PIK3CD: variants seen among roughly 807,000 people sequenced by gnomAD.
The protein encoded by PIK3CD is phosphatidylinositol-4,5-bisphosphate 3-kinase catalytic subunit delta.
In PIK3CD, 20 loss-of-function variants were observed where a neutral mutation model predicts 122.9. The observed-to-expected ratio is 0.16, with a 90% CI of 0.11 to 0.24. PIK3CD has a LOEUF of 0.24. PIK3CD is among the 10% of genes least tolerant of loss of function. The probability of loss-of-function intolerance (pLI) is 1.00; values close to 1 mark genes in which losing one functional copy is unlikely to be tolerated. For synonymous variants in PIK3CD, 596 were observed against 593.4 expected (o/e 1.00, Z -0.06); for missense variants, 787 against 1,406.3 (o/e 0.56, Z 7.04).
At chr1:9,681,627 C>G (rs1389436661) in intron 1 of PIK3CD, among the ~76,000 whole-genome samples, 4 of 152,150 alleles carry the variant, frequency 2.6e-5, no homozygotes, top group African/African-American at 7.2e-5. Flanking sequence ...GGCTTGAACT[C>G]CTGACCTCAG....
At position 9,722,719 on chromosome 1, in the gene PIK3CD, C is replaced by A; in HGVS notation, c.2426+113C>A. On this transcript the variant is annotated intron_variant, in intron 19 of 23. Coordinates refer to ENST00000377346, the MANE Select transcript of PIK3CD (RefSeq NM_005026.5). The surrounding 1 kb of genome is among the most constrained non-coding windows in gnomAD (Gnocchi z 7.6). ...ATGACCATCTCAGCCGGGGAAAGGG[C>A]TTTCCTAGGAAGACCCGGAGGCGGT... 2 of 936,810 alleles carry A rather than the reference C, an allele frequency of 2.1e-6. No individual in the cohort carries two copies. Among genetic ancestry groups the A allele is most frequent in the Non-Finnish European group, 1.7e-6 (1 of 584,194 alleles). The allele number at this position is 936,810 out of a possible 1,614,324, so 58.0% of individuals were successfully genotyped here. A position where few individuals can be genotyped will look rare whatever the true frequency, so the allele number is the denominator to read the frequency against.
intron 1 of PIK3CD, among the ~76,000 whole-genome samples, chr1:9,676,385 T>C (rs1249829862): frequency 6.6e-6 from 1 of 152,252 alleles, no homozygotes; most frequent in Non-Finnish European, 1.5e-5. Context: ...TTGAAGGTCC[T>C]TGTGTCTGAT....
chr1:9,643,958 G>T, the PIK3CD span, among the ~76,000 whole-genome samples: 1 of 152,200 alleles, frequency 6.6e-6, no homozygotes, highest in Middle Eastern at 3.2e-3. Flanking sequence ...GCCAGGATGG[G>T]GCATGGAGGC....
chr1:9,701,511 A>C (rs2100635419), intron 2 of PIK3CD, among the ~76,000 whole-genome samples: 1 of 152,190 alleles, frequency 6.6e-6, no homozygotes, highest in Admixed American at 6.6e-5. Flanking sequence ...GTCTCTACTA[A>C]AAATACAAAA....
At chr1:9,725,645 G>A (rs890504174) in intron 23 of PIK3CD, among the ~76,000 whole-genome samples, 1 of 152,078 alleles carries the variant, frequency 6.6e-6, no homozygotes, top group African/African-American at 2.4e-5. Flanking sequence ...TTGGGGGGCT[G>A]AGGTGGGCAG....
intron 1 of PIK3CD, among the ~76,000 whole-genome samples, chr1:9,685,264 C>T (rs1238980232): frequency 6.6e-6 from 1 of 152,000 alleles, no homozygotes; most frequent in Non-Finnish European, 1.5e-5. Context: ...CCTGTTTATT[C>T]TAATAGAATT....
In PIK3CD at chr1:9,724,952, G is replaced by T. The variant is rs780425941; in HGVS notation, c.2997+16G>T. On this transcript the variant is annotated intron_variant, in intron 23 of 23. Coordinates refer to ENST00000377346, the MANE Select transcript of PIK3CD (RefSeq NM_005026.5). This position sits in a 1 kb window ranked among gnomAD's most constrained non-coding sequence, Gnocchi z 7.3. ...GTATCTCAAGGTATGTGCCGGGCAG[G>T]AGACTGCTGTCGCCAGTGGACTTCC... The T allele has an allele frequency of 6.8e-6, 11 of 1,613,222 alleles. 1 individual carries two copies. The South Asian group carries it at 1.2e-4, about 18-fold the overall frequency.
At chr1:9,669,128 G>A (rs964612155) in intron 1 of PIK3CD, among the ~76,000 whole-genome samples, 2 of 152,128 alleles carry the variant, frequency 1.3e-5, no homozygotes, top group African/African-American at 4.8e-5. Context: ...TTGGGTTGCT[G>A]CCCATAATGC....
At chr1:9,629,505 A>G in the PIK3CD span, among the ~76,000 whole-genome samples, 1 of 147,140 alleles carries the variant, frequency 6.8e-6, no homozygotes, top group Non-Finnish European at 1.5e-5. Flanking sequence ...GAACAAAAAC[A>G]TACCACAAAT....
intron 1 of PIK3CD, among the ~76,000 whole-genome samples, chr1:9,674,442 G>A (rs966262324): frequency 1.3e-5 from 2 of 152,138 alleles, no homozygotes; most frequent in African/African-American, 4.8e-5. Context: ...CACTTTGGGA[G>A]GCCAAGGCGG....
At chr1:9,693,902 A>G (rs150612238) in intron 2 of PIK3CD, among the ~76,000 whole-genome samples, 2 of 152,110 alleles carry the variant, frequency 1.3e-5, no homozygotes, top group East Asian at 3.9e-4. Flanking sequence ...TGGAAGCAGG[A>G]AGATTACTTG....
chr1:9,723,059 G>A lies in PIK3CD; in HGVS notation c.2427-66G>A. The A allele has an allele frequency of 1.3e-6, 2 of 1,522,586 alleles. No homozygotes were observed. The highest frequency in any genetic ancestry group is 1.8e-6 in the Non-Finnish European group (2 of 1,098,938). 94.3% of individuals were successfully genotyped at this position (1,522,586 alleles called of 1,614,324 possible). ...TTTTGGGGCACCATGAGTTTCTGGG[G>A]CTCAAGTGGCCTCAGGGACAGCCCT... On this transcript the variant is annotated intron_variant, in intron 19 of 23. Coordinates refer to ENST00000377346, the MANE Select transcript of PIK3CD (RefSeq NM_005026.5). This position sits in a 1 kb window ranked among gnomAD's most constrained non-coding sequence, Gnocchi z 4.9.
the PIK3CD span, among the ~76,000 whole-genome samples, chr1:9,628,052 C>T: frequency 1.3e-5 from 2 of 151,820 alleles, no homozygotes; most frequent in Non-Finnish European, 1.5e-5. Context: ...CCTGTAGTCC[C>T]AGCACTTTGG....
the PIK3CD span, among the ~76,000 whole-genome samples, chr1:9,644,897 T>C: frequency 6.6e-6 from 1 of 151,976 alleles, no homozygotes; most frequent in Non-Finnish European, 1.5e-5. Flanking sequence ...AGAAAAGAGG[T>C]GTTAGTCATT....
chr1:9,640,319 C>A, the PIK3CD span, among the ~76,000 whole-genome samples: 1 of 152,084 alleles, frequency 6.6e-6, no homozygotes, highest in African/African-American at 2.4e-5. Context: ...GTGGCTCACA[C>A]CTGTAATCCC....
Position 9,716,624 on chromosome 1 carries a change from G to C in PIK3CD, c.780+5G>C, listed in dbSNP as rs1255685398. ...TACCCGCTCTGCCAGTTCCAGGTGA[G>C]GCCGCTGAGGCCCTCTGCACTCTGG... is the stretch of plus-strand genomic sequence containing the variant. On this transcript the variant is annotated splice_donor_5th_base_variant and intron_variant, in intron 6 of 23. Transcript: ENST00000377346. 1 of 1,552,208 alleles carries C rather than the reference G, an allele frequency of 6.4e-7. No individual in the cohort carries two copies. The highest frequency in any genetic ancestry group is 1.4e-5 in the African/African-American group (1 of 73,202).
the PIK3CD span, among the ~76,000 whole-genome samples, chr1:9,627,320 C>T: frequency 6.6e-6 from 1 of 152,266 alleles, no homozygotes; most frequent in Non-Finnish European, 1.5e-5. Flanking sequence ...GCCTCTTTGC[C>T]TCCTGCAGGG....
rs770591393 is a variant in PIK3CD, at chr1:9,724,120, G to GT, written c.2718+29dup. The GT allele has an allele frequency of 6.9e-5, 111 of 1,613,966 alleles. No individual in the cohort carries two copies. The highest frequency in any genetic ancestry group is 8.6e-5 in the Non-Finnish European group (102 of 1,180,044). The stretch of plus-strand genomic sequence containing the variant: ...ACAGGGGCTGGTGCTGGCGGCTGCT[G>GT]TGGGGACTTGGCTTCTGGCCCCAGC... On this transcript the variant is annotated intron_variant, in intron 21 of 23. Transcript: ENST00000377346. This position sits in a 1 kb window ranked among gnomAD's most constrained non-coding sequence, Gnocchi z 7.3.
chr1:9,628,218 C>T, the PIK3CD span, among the ~76,000 whole-genome samples: 1 of 151,926 alleles, frequency 6.6e-6, no homozygotes, highest in South Asian at 2.1e-4. Flanking sequence ...AGGAAAATCG[C>T]TTGAATCTGG....
Sources: allele counts gnomAD v4.1 joint callset (sites outside exome capture counted in the v4.1 genomes callset), GRCh38; gene constraint gnomAD v4.1.1; non-coding constraint Gnocchi (gnomAD v3.1); transcripts MANE v1.5; gene names NCBI Gene and HGNC (gene_info 2026-07-23, HGNC 2026-07-21).